KLC3: variants seen among roughly 807,000 people sequenced by gnomAD.
The protein encoded by KLC3 is kinesin light chain 2.
KLC3 carries 72 observed loss-of-function variants against 62.9 expected under a neutral mutation model. That is an observed-to-expected ratio of 1.15 (90% CI 0.95 to 1.39). The LOEUF (loss-of-function observed/expected upper bound fraction) is 1.39, where lower values mean the gene tolerates loss of function less well. KLC3 is among the 40% of genes most tolerant of loss of function. The pLI, the probability that KLC3 is intolerant of heterozygous loss-of-function variation, is 0.00. For missense variants in KLC3, 848 were observed against 691.6 expected (o/e 1.23, Z -2.54); for synonymous variants, 377 against 300.5 (o/e 1.25, Z -2.63).
Position 45,346,715 on chromosome 19 carries a change from A to C in KLC3, c.430A>C (p.Lys144Gln). ...GTCCGTGGCCCAGCTGGAGGAGGAG[A>C]AGCGCCACCTGGAGTTCCTGGGGCA... Reference protein sequence around the residue: ...EESVAQLEEEKRHLEFLGQLR... With the variant: ...EESVAQLEEEQRHLEFLGQLR... The change falls in exon 3 of 13, where the codon AAG becomes CAG. Residue 144 changes from lysine to glutamine, a missense_variant. Coordinates refer to ENST00000391946, the MANE Select transcript of KLC3 (RefSeq NM_177417.3). 1 of 1,583,030 alleles carries C rather than the reference A, an allele frequency of 6.3e-7. No individual in the cohort carries two copies. The highest frequency in any genetic ancestry group is 8.6e-7 in the Non-Finnish European group (1 of 1,165,748).
chr19:45,349,546 T>G lies in KLC3; in HGVS notation c.1087T>G (p.Tyr363Asp), dbSNP rs866034159. Residue 363 changes from tyrosine (Y) to aspartate (D), a missense_variant, in exon 8 of 13, where the codon TAT becomes GAT. Physicochemically the swap from Tyr to Asp is radical, Grantham distance 160 (BLOSUM62 -3). Transcript: ENST00000391946. Reference protein sequence around the residue: ...ERHYARALSIYEALGGPHDPN... With the variant: ...ERHYARALSIDEALGGPHDPN... The stretch of plus-strand genomic sequence containing the variant: ...GCACTATGCCCGGGCCCTGAGCATC[T>G]ATGAGGCACTGGGCGGGCCCCATGA... 6.2e-7 allele frequency: 1 copy of G among 1,613,680 alleles called. No individual in the cohort carries two copies. Among genetic ancestry groups the G allele is most frequent in the Non-Finnish European group, 8.5e-7 (1 of 1,179,886 alleles).
rs116040005 is a variant in KLC3 at position 45,349,817 on chromosome 19, C to T, written c.1143+215C>T. On this transcript the variant is annotated intron_variant, in intron 8 of 12. Coordinates refer to ENST00000391946, the MANE Select transcript of KLC3 (RefSeq NM_177417.3). Reference sequence around the variant, plus strand: ...GGCAGCCAGAGGACAGCCAGTGAAGCGGAAGCTGGCAGGCACAGGTGGCAG... The same window carrying T: ...GGCAGCCAGAGGACAGCCAGTGAAGTGGAAGCTGGCAGGCACAGGTGGCAG... 3.3e-3 allele frequency: 1,828 copies of T among 546,584 alleles called. 23 individuals are homozygous for T. The highest frequency in any genetic ancestry group is 0.029 in the African/African-American group (1,500 of 52,356). The allele number at this position is 546,584 out of a possible 1,614,324, so 33.9% of individuals were successfully genotyped here.
Position 45,346,601 on chromosome 19 carries a change from C to A in KLC3, c.316C>A (p.Arg106Ser). The A allele has an allele frequency of 6.5e-7, 1 of 1,549,724 alleles. No individual in the cohort carries two copies. The highest frequency in any genetic ancestry group is 8.7e-7 in the Non-Finnish European group (1 of 1,146,628). The change falls in exon 3 of 13, where the codon CGC becomes AGC. Residue 106 changes from arginine to serine, a missense_variant. Coordinates refer to ENST00000391946, the MANE Select transcript of KLC3 (RefSeq NM_177417.3). ...ACTGGAGGCAGAGAAGCAGCGGCTG[C>A]GCTCGCAGGCCCGGCGGCTGGCCCA... ...GALEAEKQRLRSQARRLAQEN... is the reference protein window; with the variant it reads ...GALEAEKQRLSSQARRLAQEN...
At chr19:45,345,850 G>C in intron 2 of KLC3, 51 bp downstream of exon 2, 2 of 1,503,926 alleles carry the variant, frequency 1.3e-6, no homozygotes, top group Non-Finnish European at 1.8e-6. Context: ...GAGGGCGGAG[G>C]GAGGGCCAGG....
Position 45,346,754 on chromosome 19 carries a change from G to T in KLC3, c.469G>T (p.Asp157Tyr), listed in dbSNP as rs201117856. The change falls in exon 3 of 13, where the codon GAC becomes TAC. Residue 157 changes from aspartate to tyrosine, a missense_variant. Asp to Tyr is a radical substitution (Grantham distance 160). Coordinates refer to ENST00000391946, the MANE Select transcript of KLC3 (RefSeq NM_177417.3). Reference sequence around the variant, plus strand: ...GTTCCTGGGGCAGCTGCGACAGTACGACCCACCGGCGGAGAGCCAGGTGCC... The same window carrying T: ...GTTCCTGGGGCAGCTGCGACAGTACTACCCACCGGCGGAGAGCCAGGTGCC... ...LEFLGQLRQY[D>Y]PPAESQQSES... 10 of 1,584,704 alleles carry T rather than the reference G, an allele frequency of 6.3e-6. No homozygotes were observed. The highest frequency in any genetic ancestry group is 1.2e-5 in the South Asian group (1 of 86,814).
intron 2 of KLC3, among the ~76,000 whole-genome samples, 193 bp downstream of exon 2, chr19:45,345,992 C>A (rs994827931): frequency 6.6e-6 from 1 of 152,004 alleles, no homozygotes; most frequent in Non-Finnish European, 1.5e-5. Flanking sequence ...ATGGGAAAAC[C>A]CCATCTCTAC....
Position 45,351,019 on chromosome 19 carries a change from TGAGGGGGACATCTGGGTCAAAAATA to T in KLC3, c.1443+7_1443+31del. The T allele has an allele frequency of 6.2e-7, 1 of 1,613,748 alleles. No homozygotes were observed. The highest frequency in any genetic ancestry group is 8.5e-7 in the Non-Finnish European group (1 of 1,179,910). ...GCTCCAAGGGCTCCTGGGACTCAGGTGAGGGGGACATCTGGGTCAAAAATAGAGGAGGCCATGTGGGTAGGTGCAG... is the reference window on the plus strand; with the variant it reads ...GCTCCAAGGGCTCCTGGGACTCAGGTGAGGAGGCCATGTGGGTAGGTGCAG... On this transcript the variant is annotated splice_donor_5th_base_variant and intron_variant, in intron 12 of 12. Transcript: ENST00000391946.
At chr19:45,346,365 C>T (rs985772183) in intron 2 of KLC3, among the ~76,000 whole-genome samples, 179 bp from the exon 3 acceptor site, 3 of 152,124 alleles carry the variant, frequency 2.0e-5, no homozygotes, top group Non-Finnish European at 2.9e-5. Context: ...GGGGTAAAAT[C>T]AGAGGGGCCC....
At chr19:45,342,497 C>T (rs796941060) in intron 1 of KLC3, among the ~76,000 whole-genome samples, 2 of 152,198 alleles carry the variant, frequency 1.3e-5, no homozygotes, top group East Asian at 1.9e-4. Flanking sequence ...CGGTAGCTCA[C>T]GCCTGTAATC....
At chr19:45,348,951 A>C in intron 7 of KLC3, 30 bp downstream of exon 7, 1 of 1,536,664 alleles carries the variant, frequency 6.5e-7, no homozygotes, top group Non-Finnish European at 8.8e-7. Flanking sequence ...ACCCCGAGGA[A>C]CCCCTTGTCC....
chr19:45,345,577 G>T lies in KLC3; in HGVS notation c.36G>T (p.Gly12=), dbSNP rs77102211. Residue 12 remains glycine (G), a synonymous_variant, in exon 2 of 13, where the codon GGG becomes GGT. Coordinates refer to ENST00000391946, the MANE Select transcript of KLC3 (RefSeq NM_177417.3). ...SVQVAAPGSA[G]LGPERLSPEE... is the part of the protein sequence containing the mutation. ...AGGTAGCGGCTCCTGGAAGTGCAGG[G>T]CTGGGCCCAGAGCGCCTGAGCCCTG... 1.9e-6 allele frequency: 3 copies of T among 1,567,562 alleles called. No individual in the cohort carries two copies. The highest frequency in any genetic ancestry group is 1.2e-5 in the South Asian group (1 of 85,068).
chr19:45,350,281 A>C, intron 8 of KLC3, 60 bp from the exon 9 acceptor site: 8 of 1,238,104 alleles, frequency 6.5e-6, no homozygotes, highest in African/African-American at 1.5e-5. Context: ...AAAAGGCGGG[A>C]CTGGATGCAG....
rs925666617 is a variant in KLC3 at position 45,351,444 on chromosome 19, T to C, written c.*87T>C. 2 of 1,585,098 alleles carry C rather than the reference T, an allele frequency of 1.3e-6. No homozygotes were observed. The highest frequency in any genetic ancestry group is 2.7e-5 in the African/African-American group (2 of 74,576). ...GGGTGAGAGGGGGTCTATCATCTCC[T>C]GGCCCCCCCTTGCCTCTGGGTACCT... is the stretch of plus-strand genomic sequence containing the variant. On this transcript the variant is annotated 3_prime_UTR_variant, in exon 13 of 13. Coordinates refer to ENST00000391946, the MANE Select transcript of KLC3 (RefSeq NM_177417.3).
chr19:45,346,528 C>G lies in KLC3; in HGVS notation c.259-16C>G. 6.6e-7 allele frequency: 1 copy of G among 1,513,592 alleles called. No homozygotes were observed. The highest frequency in any genetic ancestry group is 2.5e-5 in the East Asian group (1 of 40,502). 93.8% of individuals were successfully genotyped at this position (1,513,592 alleles called of 1,614,324 possible). ...GGCAGGAACCAACCTCGACTTGGGA[C>G]CCCCACCCCGGGCAGGTGCTGCTGG... On this transcript the variant is annotated splice_polypyrimidine_tract_variant and intron_variant, in intron 2 of 12. Coordinates refer to ENST00000391946, the MANE Select transcript of KLC3 (RefSeq NM_177417.3).
chr19:45,349,512 C>A lies in KLC3; in HGVS notation c.1053C>A (p.Asp351Glu), dbSNP rs768039092. ...GCCAGAACCAGGGCAAGTTTGAGGA[C>A]GTGGAGCGGCACTATGCCCGGGCCC... Reference protein sequence around the residue: ...LLCQNQGKFEDVERHYARALS... With the variant: ...LLCQNQGKFEEVERHYARALS... Residue 351 changes from aspartate to glutamate, a missense_variant, in exon 8 of 13, where the codon GAC becomes GAA. Transcript: ENST00000391946. 2 of 1,614,004 alleles carry A rather than the reference C, an allele frequency of 1.2e-6. No homozygotes were observed. The highest frequency in any genetic ancestry group is 1.1e-5 in the South Asian group (1 of 91,072).
rs780813891 is a variant in KLC3, at chr19:45,346,663, G to A, written c.378G>A (p.Thr126=). The A allele has an allele frequency of 3.9e-5, 61 of 1,557,820 alleles. 1 individual carries two copies. In the South Asian group the frequency reaches 6.6e-4, roughly 17 times the overall value. ...GGCTGCGGGAGGAACTGGAGGAGAC[G>A]CAGCGGCGGCTTCGGGCCAGCGAGG... ...NVWLREELEE[T]QRRLRASEES... Residue 126 remains threonine, a synonymous_variant, in exon 3 of 13, where the codon ACG becomes ACA. Transcript: ENST00000391946.
intron 3 of KLC3, 150 bp downstream of exon 3, chr19:45,346,924 C>A: frequency 2.3e-6 from 1 of 438,416 alleles, no homozygotes. Flanking sequence ...AGTCCCCCAA[C>A]CCTCCACAGA....
rs2123180735 is a variant in KLC3, at chr19:45,345,716, G to A, written c.175G>A (p.Ala59Thr). 1 of 1,563,996 alleles carries A rather than the reference G, an allele frequency of 6.4e-7. No homozygotes were observed. The highest frequency in any genetic ancestry group is 8.7e-7 in the Non-Finnish European group (1 of 1,155,238). Residue 59 changes from alanine to threonine, a missense_variant, in exon 2 of 13, where the codon GCC becomes ACC. By Grantham distance (58) the Ala-to-Thr change is moderately conservative. Coordinates refer to ENST00000391946, the MANE Select transcript of KLC3 (RefSeq NM_177417.3). Reference sequence around the variant, plus strand: ...GGCCCTGGCGGGACAGGGCCCGGCAGCCGGCTTGGAGATGCTGGAGGAAAA... The same window carrying A: ...GGCCCTGGCGGGACAGGGCCCGGCAACCGGCTTGGAGATGCTGGAGGAAAA... ...AEALAGQGPA[A>T]GLEMLEEKQQ...
intron 7 of KLC3, 41 bp downstream of exon 7, chr19:45,348,962 C>T: frequency 6.6e-7 from 1 of 1,505,596 alleles, no homozygotes; most frequent in Non-Finnish European, 9.0e-7. Flanking sequence ...CCCCTTGTCC[C>T]ATGTAGCCCT....
Sources: gnomAD v4.1 joint callset for allele counts (sites outside exome capture counted in the v4.1 genomes callset) on GRCh38, gnomAD v4.1.1 for gene constraint, MANE v1.5 for transcripts, NCBI Gene and HGNC (gene_info 2026-07-23, HGNC 2026-07-21) for gene names.